Variants in CALM2 observed in about 807,000 individuals in gnomAD.
CALM2 encodes the protein calmodulin-2.
A neutral mutation model predicts 19.8 loss-of-function variants in CALM2; 2 were observed. That is an observed-to-expected ratio of 0.10 (90% CI 0.04 to 0.32). CALM2 has a LOEUF of 0.32. CALM2 is among the 10% of genes least tolerant of loss of function. The pLI, the probability that CALM2 is intolerant of heterozygous loss-of-function variation, is 1.00. For synonymous variants in CALM2, 51 were observed against 52.1 expected, an observed-to-expected ratio of 0.98 and a Z score of 0.09; for missense variants, 38 against 178.7, an observed-to-expected ratio of 0.21 and a Z score of 4.49.
chr2:47,172,372 C>A, intron 1 of CALM2: 1 of 523,184 alleles, frequency 1.9e-6, no homozygotes, highest in Non-Finnish European at 3.6e-6. Flanking sequence ...TACTCCTCCT[C>A]TCAGTCAACT....
chr2:47,176,336 C>G, intron 1 of CALM2, 105 bp downstream of exon 1: 1 of 1,399,912 alleles, frequency 7.1e-7, no homozygotes, highest in Non-Finnish European at 9.8e-7. Context: ...CTGGCAGAAA[C>G]CACTCCTTGA....
chr2:47,172,837 T>G (rs1666722250), intron 1 of CALM2: 3 of 108,100 alleles, frequency 2.8e-5, no homozygotes, highest in African/African-American at 3.6e-5. Flanking sequence ...GAAATGGGAC[T>G]TTGGGAAGGC....
intron 1 of CALM2, among the ~76,000 whole-genome samples, chr2:47,175,285 G>A (rs763233071): frequency 3.3e-5 from 5 of 152,094 alleles, no homozygotes; most frequent in Non-Finnish European, 7.4e-5. Context: ...AGCAGCAGAA[G>A]GGGAGCAATG....
chr2:47,172,407 T>A (rs1278245658), intron 1 of CALM2: 1 of 660,992 alleles, frequency 1.5e-6, no homozygotes, highest in East Asian at 6.6e-5. Flanking sequence ...AGAATAACAA[T>A]ACTTACCTTG....
chr2:47,161,613 A>G (rs1171889166), intron 5 of CALM2, 110 bp downstream of exon 5: 5 of 951,398 alleles, frequency 5.3e-6, no homozygotes, highest in East Asian at 2.5e-5. Flanking sequence ...TAACTGTTTT[A>G]GCAACCTAAT....
Position 47,172,062 on chromosome 2 carries a change from T to C in CALM2, c.4-1298A>G, listed in dbSNP as rs1353571234. On this transcript the variant is annotated intron_variant, in intron 1 of 5. Coordinates refer to ENST00000272298, the MANE Select transcript of CALM2 (RefSeq NM_001743.6). ...AAGTTCAAATACAGAGTTTGTAAAATAAAAAATGTATCCACTTTTATCCCT... is the reference window on the plus strand; with the variant it reads ...AAGTTCAAATACAGAGTTTGTAAAACAAAAAATGTATCCACTTTTATCCCT... 3 of 143,312 alleles carry C rather than the reference T, an allele frequency of 2.1e-5. No homozygotes were observed. The Admixed American group carries it at 2.1e-4, about 10-fold the overall frequency. The allele number at this position is 143,312 out of a possible 1,614,324, so 8.9% of individuals were successfully genotyped here.
At chr2:47,173,099 C>G (rs1002795780) in intron 1 of CALM2, 1 of 152,128 alleles carries the variant, frequency 6.6e-6, no homozygotes, top group Non-Finnish European at 1.5e-5. Context: ...GGTTGAGAAG[C>G]TTTTTGTATT....
At chr2:47,176,900 C>A (rs72877091), upstream of CALM2, 2 of 985,292 alleles carry the variant, frequency 2.0e-6, no homozygotes, top group South Asian at 9.4e-5. Context: ...GGTGCGGCTT[C>A]TGCCGTTGCT....
chr2:47,160,850 C>CAAAAAAAAAAAA (rs55773607), intron 5 of CALM2, 46 bp from the exon 6 acceptor site: 3 of 372,012 alleles, frequency 8.1e-6, no homozygotes, highest in South Asian at 7.6e-5. Context: ...AGCAAAAGAC[C>CAAAAAAAAAAAA]AAAAAAAAAA....
chr2:47,161,027 G>C (rs929491893), intron 5 of CALM2, among the ~76,000 whole-genome samples: 1 of 152,094 alleles, frequency 6.6e-6, no homozygotes, highest in Non-Finnish European at 1.5e-5. Context: ...TAACGCTTTA[G>C]ATAGGCCAAT....
At chr2:47,172,395 CAAG>C (rs1666700388) in intron 1 of CALM2, 1 of 613,192 alleles carries the variant, frequency 1.6e-6, no homozygotes, top group African/African-American at 1.9e-5. Context: ...ATTTGTAGCA[CAAG>C]AATAACAATA....
At chr2:47,174,706 T>A (rs892111901) in intron 1 of CALM2, among the ~76,000 whole-genome samples, 23 of 152,082 alleles carry the variant, frequency 1.5e-4, no homozygotes, top group Non-Finnish European at 2.4e-4. Context: ...GAATTACTGA[T>A]TCAATTATCA....
At chr2:47,172,586 A>G (rs1666705667) in intron 1 of CALM2, 2 of 587,840 alleles carry the variant, frequency 3.4e-6, no homozygotes, top group Non-Finnish European at 5.0e-6. Context: ...TAAGCCCTTT[A>G]TGGTAAGCTT....
At chr2:47,176,356 G>A in intron 1 of CALM2, 85 bp downstream of exon 1, 2 of 1,529,840 alleles carry the variant, frequency 1.3e-6, no homozygotes, top group East Asian at 2.3e-5. Context: ...AAGGTGTAAG[G>A]GAGGCGAGTT....
intron 2 of CALM2, among the ~76,000 whole-genome samples, chr2:47,166,321 G>C (rs1262330182): frequency 2.0e-5 from 3 of 151,976 alleles, no homozygotes; most frequent in African/African-American, 4.8e-5. Flanking sequence ...CTCTGCTATG[G>C]GTATCTTTTA....
chr2:47,162,385 G>C lies in CALM2; in HGVS notation c.186C>G (p.Gly62=). 1 of 1,609,150 alleles carries C rather than the reference G, an allele frequency of 6.2e-7. No individual in the cohort carries two copies. The highest frequency in any genetic ancestry group is 8.5e-7 in the Non-Finnish European group (1 of 1,176,872). ...MINEVDADGN[G]TIDFPEFLTM... is the part of the protein sequence containing the mutation. ...TCAGAAATTCAGGGAAGTCAATTGT[G>C]CCATTACCTGAAATGGTTTAGTGGA... Residue 62 remains glycine (G), a synonymous_variant, in exon 4 of 6, where the codon GGC becomes GGG. Coordinates refer to ENST00000272298, the MANE Select transcript of CALM2 (RefSeq NM_001743.6).
At chr2:47,173,764 A>G (rs1196728571) in intron 1 of CALM2, 1 of 152,232 alleles carries the variant, frequency 6.6e-6, no homozygotes, top group African/African-American at 2.4e-5. Flanking sequence ...TGATACAACA[A>G]GGATTCCTAT....
At chr2:47,176,579 G>A, upstream of CALM2, 3 of 1,547,648 alleles carry the variant, frequency 1.9e-6, no homozygotes, top group Non-Finnish European at 1.7e-6. Context: ...GCCGCATCCA[G>A]ATAACGGAAC....
In CALM2 at chr2:47,162,183, A is replaced by AC; in HGVS notation, c.285+102_285+103insG. On this transcript the variant is annotated intron_variant, in intron 4 of 5. Transcript: ENST00000272298. ...GTTGGTAAATCATCAAAAAAAAAAA[A>AC]AAAAAAAAAAAAAAAAACAACCAAA... The AC allele has an allele frequency of 7.1e-6, 3 of 424,320 alleles. No individual in the cohort carries two copies. In the South Asian group the frequency reaches 1.1e-4, roughly 16 times the overall value. 26.3% of individuals were successfully genotyped at this position (424,320 alleles called of 1,614,324 possible).
Sources: gnomAD v4.1 joint callset for allele counts (sites outside exome capture counted in the v4.1 genomes callset) on GRCh38, gnomAD v4.1.1 for gene constraint, MANE v1.5 for transcripts, NCBI Gene and HGNC (gene_info 2026-07-23, HGNC 2026-07-21) for gene names.